The following ITGA9 variants were observed in gnomAD, a reference collection of about 807,000 sequenced individuals.
ITGA9 encodes integrin alpha-9.
A neutral mutation model predicts 127.8 loss-of-function variants in ITGA9; 56 were observed. The observed-to-expected ratio is 0.44, with a 90% CI of 0.35 to 0.55. The LOEUF is 0.55. Among genes scored for constraint, ITGA9 ranks in the 20% least tolerant of loss-of-function variants. The pLI, the probability that ITGA9 is intolerant of heterozygous loss-of-function variation, is 0.00. For missense variants in ITGA9, 1,196 were observed against 1,347.1 expected, an observed-to-expected ratio of 0.89 and a Z score of 1.76; for synonymous variants, 508 against 514.5, an observed-to-expected ratio of 0.99 and a Z score of 0.17.
chr3:37,723,291 A>G (rs1701211404), intron 18 of ITGA9, among the ~76,000 whole-genome samples: 1 of 152,034 alleles, frequency 6.6e-6, no homozygotes, highest in East Asian at 1.9e-4. Flanking sequence ...TTTGAAACAC[A>G]TGAGTTTTAA....
Position 37,626,490 on chromosome 3 carries a change from T to C in ITGA9, c.1690-2697T>C, listed in dbSNP as rs528689198. On this transcript the variant is annotated intron_variant, in intron 15 of 27. Coordinates refer to ENST00000264741, the MANE Select transcript of ITGA9 (RefSeq NM_002207.3). ...CCTTGGGCAACATAGTGAGACCCCA[T>C]CTCTACAAAATAAAAAATAAATAAA... 2.0e-5 allele frequency among the ~76,000 whole-genome samples: 3 copies of C among 152,082 alleles called. No individual in the cohort carries two copies. In the East Asian group the frequency reaches 5.8e-4, roughly 29 times the overall value.
At chr3:37,805,961 C>G (rs1697290862) in intron 27 of ITGA9, 1 of 152,160 alleles carries the variant, frequency 6.6e-6, no homozygotes. Flanking sequence ...GTGTGAGCCA[C>G]CCCGCCCGGC....
chr3:37,583,445 G>A (rs1409043131), intron 15 of ITGA9, among the ~76,000 whole-genome samples: 3 of 152,206 alleles, frequency 2.0e-5, no homozygotes, highest in African/African-American at 4.8e-5. Context: ...TGTATTTTCT[G>A]TTGAGGGTTC....
intron 25 of ITGA9, among the ~76,000 whole-genome samples, chr3:37,781,317 T>A (rs1696973817): frequency 6.6e-6 from 1 of 152,218 alleles, no homozygotes; most frequent in Non-Finnish European, 1.5e-5. Context: ...CCCTACAGTC[T>A]CTTGCAACTG....
chr3:37,711,820 G>T (rs922437973), intron 18 of ITGA9, among the ~76,000 whole-genome samples: 1 of 152,234 alleles, frequency 6.6e-6, no homozygotes, highest in African/African-American at 2.4e-5. Flanking sequence ...TAAAGTGCCT[G>T]CAGCAGTACC....
intron 15 of ITGA9, among the ~76,000 whole-genome samples, chr3:37,588,267 C>T (rs1355674695): frequency 6.6e-6 from 1 of 152,198 alleles, no homozygotes; most frequent in Non-Finnish European, 1.5e-5. Context: ...TTTCTCAGGC[C>T]TCTCAGAGTT....
intron 1 of ITGA9, among the ~76,000 whole-genome samples, chr3:37,463,185 C>A (rs1698334143): frequency 1.3e-5 from 2 of 152,220 alleles, no homozygotes; most frequent in South Asian, 4.1e-4. Flanking sequence ...GATGGAATTA[C>A]CACGGTCCAG....
Position 37,533,379 on chromosome 3 carries a change from C to T in ITGA9, c.1439C>T (p.Pro480Leu), listed in dbSNP as rs200712686. 6.2e-7 allele frequency: 1 copy of T among 1,614,204 alleles called. No homozygotes were observed. The highest frequency in any genetic ancestry group is 2.2e-5 in the East Asian group (1 of 44,886). Reference protein sequence around the residue: ...FLPGSINITAPQCHDGQQPVN... With the variant: ...FLPGSINITALQCHDGQQPVN... ...CCGGGCTCCATCAACATCACAGCGCCTCAGTGTCACGACGGACAGCAGCCT... is the reference window on the plus strand; with the variant it reads ...CCGGGCTCCATCAACATCACAGCGCTTCAGTGTCACGACGGACAGCAGCCT... Residue 480 changes from proline (P) to leucine (L), a missense_variant, in exon 14 of 28, where the codon CCT becomes CTT. Pro to Leu is a moderately conservative substitution (Grantham distance 98, BLOSUM62 -3). Transcript: ENST00000264741.
At chr3:37,481,674 CTA>C (rs761326342) in intron 4 of ITGA9, 67 bp downstream of exon 4, 118 of 1,580,412 alleles carry the variant, frequency 7.5e-5, no homozygotes, top group Non-Finnish European at 1.0e-4. Context: ...CTTCCCACCT[CTA>C]TGCACCACCA....
At chr3:37,602,167 C>T (rs1699928338) in intron 15 of ITGA9, among the ~76,000 whole-genome samples, 1 of 152,046 alleles carries the variant, frequency 6.6e-6, no homozygotes, top group South Asian at 2.1e-4. Context: ...TGGGGCCAAA[C>T]AAATCATATT....
intron 11 of ITGA9, among the ~76,000 whole-genome samples, chr3:37,520,901 G>A (rs947931451): frequency 2.6e-5 from 4 of 152,216 alleles, no homozygotes; most frequent in Non-Finnish European, 5.9e-5. Context: ...CACACAGTGA[G>A]GCAACCTGTG....
chr3:37,683,054 G>A (rs1700748466), intron 17 of ITGA9, among the ~76,000 whole-genome samples: 1 of 152,194 alleles, frequency 6.6e-6, no homozygotes, highest in African/African-American at 2.4e-5. Flanking sequence ...GGGCTTCCGA[G>A]GGTCAAACCA....
At chr3:37,786,611 CA>C (rs11331924) in intron 26 of ITGA9, among the ~76,000 whole-genome samples, 54,677 of 150,118 alleles carry the variant, frequency 0.36, 10,015 homozygotes, top group East Asian at 0.46. Flanking sequence ...AAAAAACAAA[CA>C]AACAAAAAAA....
At chr3:37,645,514 A>G (rs1338748227) in intron 16 of ITGA9, among the ~76,000 whole-genome samples, 1 of 152,208 alleles carries the variant, frequency 6.6e-6, no homozygotes, top group East Asian at 1.9e-4. Context: ...CAGTTAGCCA[A>G]GATCGTGCCA....
chr3:37,469,539 C>T (rs921321348), intron 1 of ITGA9, among the ~76,000 whole-genome samples: 4 of 152,302 alleles, frequency 2.6e-5, no homozygotes, highest in South Asian at 2.1e-4. Context: ...GGTTGAATGA[C>T]AACATTATCC....
chr3:37,536,318 G>C (rs1699207774), intron 14 of ITGA9, among the ~76,000 whole-genome samples: 1 of 152,228 alleles, frequency 6.6e-6, no homozygotes, highest in Admixed American at 6.5e-5. Flanking sequence ...ATGAGTGCCA[G>C]CCCTGGGCAG....
intron 15 of ITGA9, among the ~76,000 whole-genome samples, chr3:37,589,471 A>G (rs1699792468): frequency 6.6e-6 from 1 of 152,206 alleles, no homozygotes; most frequent in Non-Finnish European, 1.5e-5. Flanking sequence ...TATAGAACAT[A>G]TGGAATATAG....
At chr3:37,493,548 G>A (rs1019883513) in intron 4 of ITGA9, among the ~76,000 whole-genome samples, 1 of 151,964 alleles carries the variant, frequency 6.6e-6, no homozygotes, top group Non-Finnish European at 1.5e-5. Context: ...TCACTTTCCT[G>A]GGTATTTTTA....
At chr3:37,515,300 C>T (rs762973131) in intron 9 of ITGA9, among the ~76,000 whole-genome samples, 13 of 152,182 alleles carry the variant, frequency 8.5e-5, no homozygotes, top group East Asian at 3.9e-4. Flanking sequence ...TTAAAAAAAT[C>T]GAAGTGTACT....
Sources: gnomAD v4.1 joint callset for allele counts (sites outside exome capture counted in the v4.1 genomes callset) on GRCh38, gnomAD v4.1.1 for gene constraint, MANE v1.5 for transcripts, NCBI Gene and HGNC (gene_info 2026-07-23, HGNC 2026-07-21) for gene names.